The following UTRN variants were observed in gnomAD, a reference collection of about 807,000 sequenced individuals.
The protein encoded by UTRN is utrophin.
UTRN carries 283 observed loss-of-function variants against 463.9 expected under a neutral mutation model. The ratio of observed to expected loss-of-function variants is 0.61; its 90% confidence interval spans 0.55 to 0.67. The LOEUF is 0.67. UTRN is among the 30% of genes least tolerant of loss of function. UTRN has a pLI of 0.00. For missense variants in UTRN, 3,922 were observed against 4,084.3 expected, an observed-to-expected ratio of 0.96 and a Z score of 1.08; for synonymous variants, 1,442 against 1,431.5, an observed-to-expected ratio of 1.01 and a Z score of -0.17.
chr6:144,802,189 C>A lies in UTRN; in HGVS notation c.9246-847C>A, dbSNP rs916824635. The stretch of plus-strand genomic sequence containing the variant: ...GCCATGCTGATAAGCCAAGAGATGT[C>A]GTTAGTGTATGTGATTGTTTCAAAC... On this transcript the variant is annotated intron_variant, in intron 64 of 74. Coordinates refer to ENST00000367545, the MANE Select transcript of UTRN (RefSeq NM_007124.3). Among the ~76,000 whole-genome samples, 3 of 152,124 alleles carry A rather than the reference C, an allele frequency of 2.0e-5. No individual in the cohort carries two copies. The East Asian group carries it at 5.8e-4, about 29-fold the overall frequency.
intron 53 of UTRN, among the ~76,000 whole-genome samples, chr6:144,726,336 C>T (rs76044253): frequency 0.011 from 1,656 of 152,152 alleles, 35 homozygotes; most frequent in African/African-American, 0.035. Context: ...TCCCTGAGGG[C>T]GCACACTGTG....
intron 2 of UTRN, among the ~76,000 whole-genome samples, chr6:144,358,458 G>A (rs536022281): frequency 6.6e-6 from 1 of 152,314 alleles, no homozygotes; most frequent in South Asian, 2.1e-4. Context: ...AATACAGAAG[G>A]AGGTAGATAC....
intron 2 of UTRN, among the ~76,000 whole-genome samples, chr6:144,384,558 C>T (rs1452347398): frequency 6.6e-6 from 1 of 152,074 alleles, no homozygotes; most frequent in Non-Finnish European, 1.5e-5. Context: ...GGGACCGCCA[C>T]ATTAAACAAC....
intron 58 of UTRN, chr6:144,758,393 C>T (rs972857353): frequency 6.5e-6 from 1 of 153,224 alleles, no homozygotes; most frequent in Non-Finnish European, 1.5e-5. Flanking sequence ...AAATTCTAAA[C>T]CATTTTTCTT....
At chr6:144,388,944 G>T (rs1243325657) in intron 2 of UTRN, among the ~76,000 whole-genome samples, 1 of 152,182 alleles carries the variant, frequency 6.6e-6, no homozygotes, top group Non-Finnish European at 1.5e-5. Context: ...CATTTTCCTG[G>T]TATGAACCCT....
intron 51 of UTRN, among the ~76,000 whole-genome samples, chr6:144,637,983 A>T (rs567148058): frequency 6.6e-6 from 1 of 152,354 alleles, no homozygotes; most frequent in Non-Finnish European, 1.5e-5. Flanking sequence ...TAGAAGAGAC[A>T]TATTTAACCT....
intron 53 of UTRN, among the ~76,000 whole-genome samples, chr6:144,729,569 C>G (rs1788298936): frequency 6.6e-6 from 1 of 152,166 alleles, no homozygotes. Context: ...ACAACATTAA[C>G]AAATTCCATT....
At chr6:144,698,917 G>A (rs1033230066) in intron 52 of UTRN, among the ~76,000 whole-genome samples, 5 of 152,182 alleles carry the variant, frequency 3.3e-5, no homozygotes, top group African/African-American at 1.2e-4. Flanking sequence ...ACCTTTAAAT[G>A]AGAGTATAAA....
chr6:144,667,237 A>G (rs1189763327), intron 51 of UTRN, among the ~76,000 whole-genome samples: 1 of 151,726 alleles, frequency 6.6e-6, no homozygotes, highest in East Asian at 1.9e-4. Context: ...TTCTATTTTT[A>G]TGAGAGATGG....
chr6:144,691,105 A>T (rs1009578467), intron 52 of UTRN, among the ~76,000 whole-genome samples: 1 of 151,972 alleles, frequency 6.6e-6, no homozygotes, highest in Non-Finnish European at 1.5e-5. Flanking sequence ...TAGATCTACA[A>T]TATTTCAACT....
intron 51 of UTRN, among the ~76,000 whole-genome samples, chr6:144,673,883 A>G: frequency 6.6e-6 from 1 of 152,154 alleles, no homozygotes; most frequent in East Asian, 1.9e-4. Flanking sequence ...AAAAGACTTT[A>G]TCTCGGCTTA....
chr6:144,352,750 CTA>C (rs1406774218), intron 2 of UTRN, among the ~76,000 whole-genome samples: 5 of 152,124 alleles, frequency 3.3e-5, no homozygotes, highest in African/African-American at 7.2e-5. Context: ...CAAGGTAAAT[CTA>C]TGTCTTGATT....
intron 9 of UTRN, among the ~76,000 whole-genome samples, chr6:144,433,250 C>T (rs1786081903): frequency 6.6e-6 from 1 of 151,944 alleles, no homozygotes. Context: ...CCTCACTTCC[C>T]AGTAGGGGCG....
rs75257933 is a variant in UTRN, at chr6:144,447,499, G to A, written c.1723-103G>A. On this transcript the variant is annotated intron_variant, in intron 15 of 74. Transcript: ENST00000367545. Reference sequence around the variant, plus strand: ...TTTAGCATAGTGAACTGCAAAGCATGTACATTTTACTATAAAAGATACATG... The same window carrying A: ...TTTAGCATAGTGAACTGCAAAGCATATACATTTTACTATAAAAGATACATG... 3,556 of 1,415,108 alleles carry A rather than the reference G, an allele frequency of 2.5e-3. 76 individuals are homozygous for A. The African/African-American group carries it at 0.045, about 18-fold the overall frequency. 87.7% of individuals were successfully genotyped at this position (1,415,108 alleles called of 1,614,324 possible).
intron 34 of UTRN, among the ~76,000 whole-genome samples, chr6:144,510,511 C>T (rs957749263): frequency 7.9e-5 from 12 of 152,140 alleles, no homozygotes; most frequent in Admixed American, 3.9e-4. Flanking sequence ...ATAGTTTCCT[C>T]TGGTAATCTA....
At chr6:144,367,582 A>G (rs1779618645) in intron 2 of UTRN, among the ~76,000 whole-genome samples, 1 of 152,224 alleles carries the variant, frequency 6.6e-6, no homozygotes, top group Non-Finnish European at 1.5e-5. Context: ...ATTTTGTCGT[A>G]GACAAACAGA....
At chr6:144,648,036 T>C (rs372735023) in intron 51 of UTRN, among the ~76,000 whole-genome samples, 2 of 152,202 alleles carry the variant, frequency 1.3e-5, no homozygotes, top group East Asian at 1.9e-4. Context: ...TTAACACAAC[T>C]CTACACAGTT....
At chr6:144,714,655 A>C (rs1786182586) in intron 53 of UTRN, among the ~76,000 whole-genome samples, 1 of 152,220 alleles carries the variant, frequency 6.6e-6, no homozygotes, top group Admixed American at 6.5e-5. Context: ...GAACATTAAC[A>C]TATATATTCT....
chr6:144,602,282 CCA>C (rs1804332036), intron 51 of UTRN, among the ~76,000 whole-genome samples: 1 of 151,964 alleles, frequency 6.6e-6, no homozygotes, highest in African/African-American at 2.4e-5. Flanking sequence ...CAGGCACGCA[CCA>C]CCAGTCCCGG....
Sources: gnomAD v4.1 joint callset for allele counts (sites outside exome capture counted in the v4.1 genomes callset) on GRCh38, gnomAD v4.1.1 for gene constraint, MANE v1.5 for transcripts, NCBI Gene and HGNC (gene_info 2026-07-23, HGNC 2026-07-21) for gene names.